Variants in LRRC4B observed in about 807,000 individuals in gnomAD.
LRRC4B encodes the protein leucine-rich repeat-containing protein 4B.
A neutral mutation model predicts 7.3 loss-of-function variants in LRRC4B; 1 was observed. The observed-to-expected ratio is 0.14, with a 90% CI of 0.05 to 0.65. LRRC4B has a LOEUF of 0.65. Among genes scored for constraint, LRRC4B ranks in the 30% least tolerant of loss-of-function variants. The pLI, the probability that LRRC4B is intolerant of heterozygous loss-of-function variation, is 0.84. For missense variants in LRRC4B, 730 were observed against 1,041.6 expected, an observed-to-expected ratio of 0.70 and a Z score of 4.12; for synonymous variants, 500 against 499.2, an observed-to-expected ratio of 1.00 and a Z score of -0.02.
At chr19:50,552,583 T>C (rs1412232074) in intron 1 of LRRC4B, among the ~76,000 whole-genome samples, 69 of 144,598 alleles carry the variant, frequency 4.8e-4, no homozygotes, top group Admixed American at 4.3e-3. Context: ...CATCCGTCCA[T>C]CCATCTGTCC....
chr19:50,528,106 G>A (rs1980897875), intron 2 of LRRC4B, among the ~76,000 whole-genome samples: 1 of 151,696 alleles, frequency 6.6e-6, no homozygotes, highest in Admixed American at 6.6e-5. Flanking sequence ...GCAGTGCTGT[G>A]ATCATAACTC....
intron 2 of LRRC4B, among the ~76,000 whole-genome samples, chr19:50,520,569 G>T (rs1980532300): frequency 6.6e-6 from 1 of 151,462 alleles, no homozygotes; most frequent in African/African-American, 2.4e-5. Flanking sequence ...GGCAGAGGTT[G>T]CAGTGAACTG....
intron 2 of LRRC4B, among the ~76,000 whole-genome samples, chr19:50,542,861 C>G (rs1981611068): frequency 6.6e-6 from 1 of 152,140 alleles, no homozygotes; most frequent in South Asian, 2.1e-4. Flanking sequence ...TTTTAACTCT[C>G]TCACCAAAGA....
intron 1 of LRRC4B, among the ~76,000 whole-genome samples, chr19:50,558,755 T>C (rs1365493726): frequency 6.6e-6 from 1 of 152,242 alleles, no homozygotes; most frequent in East Asian, 1.9e-4. Context: ...AGCATGGATC[T>C]AACCACTGAT....
rs761421137 is a variant in LRRC4B, at chr19:50,548,697, C to T, written c.142G>A (p.Gly48Arg). ...GAGGTGGCCGGCGGGGAGCCCCCTC[C>T]GGCGGCAGACGTCACGGCCACTCCA... ...GGGVAVTSAA[G>R]GGSPPATSCP... Residue 48 changes from glycine (G) to arginine (R), a missense_variant, in exon 2 of 3, where the codon GGA becomes AGA. Physicochemically the swap from Gly to Arg is moderately radical, Grantham distance 125. Transcript: ENST00000652263. This position sits in a 1 kb window ranked among gnomAD's most constrained non-coding sequence, Gnocchi z 6.8. The T allele has an allele frequency of 2.9e-5, 45 of 1,545,344 alleles. No individual in the cohort carries two copies. In the Middle Eastern group the frequency reaches 7.0e-4, roughly 24 times the overall value.
chr19:50,550,474 G>A (rs1280757816), intron 1 of LRRC4B, among the ~76,000 whole-genome samples: 2 of 151,400 alleles, frequency 1.3e-5, no homozygotes, highest in African/African-American at 2.4e-5. Context: ...CCCCTCTCAC[G>A]GTGGACTCTC....
At chr19:50,528,384 G>A (rs563714929) in intron 2 of LRRC4B, among the ~76,000 whole-genome samples, 18 of 151,876 alleles carry the variant, frequency 1.2e-4, no homozygotes, top group African/African-American at 2.9e-4. Flanking sequence ...TCACTCTGTC[G>A]CCCAGGCTGG....
At position 50,548,964 on chromosome 19, in the gene LRRC4B, G is replaced by A. The variant is rs2122895027; in HGVS notation, c.-35-91C>T. On this transcript the variant is annotated intron_variant, in intron 1 of 2. Transcript: ENST00000652263. This position sits in a 1 kb window ranked among gnomAD's most constrained non-coding sequence, Gnocchi z 6.8. ...TTGCCAACACCCAGGCAGCCCCATCGCCGCCTCCCTGCCCCATGCCCAGAA... is the reference window on the plus strand; with the variant it reads ...TTGCCAACACCCAGGCAGCCCCATCACCGCCTCCCTGCCCCATGCCCAGAA... 2 of 674,784 alleles carry A rather than the reference G, an allele frequency of 3.0e-6. No individual in the cohort carries two copies. Among genetic ancestry groups the A allele is most frequent in the East Asian group, 5.7e-5 (2 of 35,284 alleles). The allele number at this position is 674,784 out of a possible 1,614,324, so 41.8% of individuals were successfully genotyped here.
chr19:50,561,641 G>A (rs917229537), intron 1 of LRRC4B, among the ~76,000 whole-genome samples: 19 of 151,846 alleles, frequency 1.3e-4, no homozygotes, highest in African/African-American at 2.9e-4. Context: ...AGGCTGAGGC[G>A]GGAGGATCGC....
intron 1 of LRRC4B, among the ~76,000 whole-genome samples, chr19:50,561,992 CCTGTAGT>C (rs1982479753): frequency 6.6e-6 from 1 of 151,756 alleles, no homozygotes; most frequent in Non-Finnish European, 1.5e-5. Context: ...GTGATGCGTG[CCTGTAGT>C]CTCAGCTACT....
chr19:50,527,906 T>C lies in LRRC4B; in HGVS notation c.298-8491A>G, dbSNP rs1245134605. On this transcript the variant is annotated intron_variant, in intron 2 of 2. Transcript: ENST00000652263. ...ACAGGCACGCACCACCACACCCGGC[T>C]AATTTTTTGTATTTTTAGTAGAGAC... 3.9e-5 allele frequency among the ~76,000 whole-genome samples: 6 copies of C among 151,922 alleles called. No individual in the cohort carries two copies. In the South Asian group the frequency reaches 1.2e-3, roughly 32 times the overall value.
intron 2 of LRRC4B, among the ~76,000 whole-genome samples, chr19:50,538,925 G>T (rs1272539738): frequency 6.7e-6 from 1 of 149,242 alleles, no homozygotes; most frequent in Non-Finnish European, 1.5e-5. Context: ...TTCTTGCTTT[G>T]TCGCCAGGCT....
chr19:50,562,092 T>C (rs992024509), intron 1 of LRRC4B, among the ~76,000 whole-genome samples: 13 of 148,034 alleles, frequency 8.8e-5, no homozygotes, highest in African/African-American at 3.3e-4. Flanking sequence ...CACTCTAGCC[T>C]GGGTGACAGA....
chr19:50,521,574 C>T (rs780004390), intron 2 of LRRC4B, among the ~76,000 whole-genome samples: 1 of 152,044 alleles, frequency 6.6e-6, no homozygotes, highest in Non-Finnish European at 1.5e-5. Flanking sequence ...ATTACAGGGT[C>T]GTGCCACCAC....
In LRRC4B at chr19:50,518,329, C is replaced by T. The variant is rs1568714208; in HGVS notation, c.1384G>A (p.Gly462Arg). Residue 462 changes from glycine (G) to arginine (R), a missense_variant, in exon 3 of 3, where the codon GGG (glycine) becomes AGG (arginine). Physicochemically the swap from Gly to Arg is moderately radical, Grantham distance 125. Coordinates refer to ENST00000652263, the MANE Select transcript of LRRC4B (RefSeq NM_001080457.2). ...NVSAVDPVAA[G>R]GTGSGGGGPG... ...CCGCCCCCGCCGCTGCCGGTGCCCC[C>T]GGCCGCCACGGGGTCCACGGCCGAG... is the stretch of plus-strand genomic sequence containing the variant. 6.9e-6 allele frequency: 11 copies of T among 1,605,600 alleles called. No homozygotes were observed. Among genetic ancestry groups the T allele is most frequent in the Non-Finnish European group, 9.3e-6 (11 of 1,177,062 alleles).
At chr19:50,554,294 C>T (rs776259108) in intron 1 of LRRC4B, among the ~76,000 whole-genome samples, 13 of 151,968 alleles carry the variant, frequency 8.6e-5, no homozygotes, top group Non-Finnish European at 1.0e-4. Context: ...CGTACCTGGC[C>T]GAGGAAGCAC....
At chr19:50,564,633 G>A (rs1203991159) in intron 1 of LRRC4B, among the ~76,000 whole-genome samples, 1 of 152,012 alleles carries the variant, frequency 6.6e-6, no homozygotes, top group Non-Finnish European at 1.5e-5. Flanking sequence ...GAAGATGAGG[G>A]GAGATGGAGA....
intron 1 of LRRC4B, among the ~76,000 whole-genome samples, chr19:50,549,347 G>A (rs1319256129): frequency 6.6e-6 from 1 of 152,164 alleles, no homozygotes; most frequent in Non-Finnish European, 1.5e-5. Context: ...ACACCCGCCC[G>A]GTCCCCTTGC....
At position 50,518,388 on chromosome 19, in the gene LRRC4B, G is replaced by A; in HGVS notation, c.1325C>T (p.Ala442Val). Residue 442 changes from alanine (A) to valine (V), a missense_variant, in exon 3 of 3, where the codon GCC becomes GTC. Around this residue, in one of 6 missense-constraint regions of LRRC4B, gnomAD observed 192 missense variants for 228.6 expected, o/e 0.84. Transcript: ENST00000652263. ...CGTGGCCGAGGCGGTGGTGTTGCCG[G>A]CTGAGTTCGTCACCATGCACGTGTA... is the stretch of plus-strand genomic sequence containing the variant. ...GQYTCMVTNS[A>V]GNTTASATLN... The A allele has an allele frequency of 6.3e-7, 1 of 1,585,620 alleles. No individual in the cohort carries two copies.
Sources: gnomAD v4.1 joint callset for allele counts (sites outside exome capture counted in the v4.1 genomes callset) on GRCh38, gnomAD v4.1.1 for gene constraint, gnomAD v4.1.1 regional missense constraint, Gnocchi (gnomAD v3.1) non-coding constraint, MANE v1.5 for transcripts, NCBI Gene and HGNC (gene_info 2026-07-23, HGNC 2026-07-21) for gene names.